Variants in COLGALT2 observed in about 807,000 individuals in gnomAD.
The protein encoded by COLGALT2 is procollagen galactosyltransferase 2.
COLGALT2 carries 49 observed loss-of-function variants against 73.4 expected under a neutral mutation model. That is an observed-to-expected ratio of 0.67 (90% CI 0.53 to 0.85). The LOEUF is 0.85. COLGALT2 is among the 40% of genes least tolerant of loss of function. COLGALT2 has a pLI of 0.00. For synonymous variants in COLGALT2, 295 were observed against 307.6 expected (o/e 0.96, Z 0.43); for missense variants, 722 against 790.2 (o/e 0.91, Z 1.03).
At position 184,032,260 on chromosome 1, in the gene COLGALT2, T is replaced by C. The variant is rs576869804; in HGVS notation, c.263+4835A>G. 7.0e-4 allele frequency among the ~76,000 whole-genome samples: 106 copies of C among 152,310 alleles called. 1 individual carries two copies. The highest frequency in any genetic ancestry group is 2.5e-3 in the African/African-American group (105 of 41,560). Reference sequence around the variant, plus strand: ...AAAGAAGAAACTAAACAAATTTCCATTTGAAGATTTTTTAAAATCTTGATT... The same window carrying C: ...AAAGAAGAAACTAAACAAATTTCCACTTGAAGATTTTTTAAAATCTTGATT... On this transcript the variant is annotated intron_variant, in intron 1 of 11. Coordinates refer to ENST00000361927, the MANE Select transcript of COLGALT2 (RefSeq NM_015101.4).
intron 8 of COLGALT2, among the ~76,000 whole-genome samples, chr1:183,950,130 T>G (rs187676658): frequency 1.3e-5 from 2 of 152,336 alleles, no homozygotes; most frequent in East Asian, 3.9e-4. Context: ...CAATCCTGTC[T>G]AAGAATCACC....
chr1:183,946,748 T>G (rs1195402379), intron 8 of COLGALT2: 2 of 152,220 alleles, frequency 1.3e-5, no homozygotes, highest in African/African-American at 4.8e-5. Context: ...AAGGTTAATC[T>G]GGGCCGGGAG....
rs539444920 is a variant in COLGALT2, at chr1:183,996,845, G to A, written c.264-18325C>T. ...TGAGGAAATGACCTATTATAAATGG[G>A]GTGAATATGCACCCAGAGGGCACTG... On this transcript the variant is annotated intron_variant, in intron 1 of 11. Transcript: ENST00000361927. Among the ~76,000 whole-genome samples the A allele has an allele frequency of 2.6e-4, 40 of 152,280 alleles. No homozygotes were observed. In the East Asian group the frequency reaches 7.7e-3, roughly 29 times the overall value.
intron 1 of COLGALT2, among the ~76,000 whole-genome samples, chr1:184,032,094 A>T (rs1278760505): frequency 6.6e-6 from 1 of 152,046 alleles, no homozygotes; most frequent in East Asian, 1.9e-4. Flanking sequence ...GAGTTTCACC[A>T]TGTTGCCCAG....
chr1:183,955,774 A>G (rs559756479), intron 6 of COLGALT2, among the ~76,000 whole-genome samples: 1 of 152,376 alleles, frequency 6.6e-6, no homozygotes, highest in East Asian at 1.9e-4. Context: ...TTAAAATGAT[A>G]GCTGGTAACT....
intron 1 of COLGALT2, among the ~76,000 whole-genome samples, chr1:183,982,404 C>T (rs190223731): frequency 6.6e-6 from 1 of 151,896 alleles, no homozygotes; most frequent in East Asian, 1.9e-4. Context: ...CTACCAACGT[C>T]CAGGGTACGC....
chr1:184,006,298 G>A (rs1672077816), intron 1 of COLGALT2, among the ~76,000 whole-genome samples: 2 of 152,100 alleles, frequency 1.3e-5, no homozygotes, highest in African/African-American at 2.4e-5. Context: ...AAAAATTAGA[G>A]TATGGGCCGG....
chr1:183,934,120 A>T (rs552751482), downstream of COLGALT2, among the ~76,000 whole-genome samples: 1 of 152,330 alleles, frequency 6.6e-6, no homozygotes, highest in African/African-American at 2.4e-5. Flanking sequence ...TAATGGAGCC[A>T]TTCCACCACT....
chr1:183,998,743 A>G (rs1367093574), intron 1 of COLGALT2, among the ~76,000 whole-genome samples: 1 of 151,938 alleles, frequency 6.6e-6, no homozygotes, highest in Non-Finnish European at 1.5e-5. Flanking sequence ...TAATGTTTTT[A>G]ATAAAGTTTC....
intron 1 of COLGALT2, among the ~76,000 whole-genome samples, chr1:183,992,876 G>A (rs1306395514): frequency 2.0e-5 from 3 of 152,148 alleles, no homozygotes; most frequent in Non-Finnish European, 4.4e-5. Flanking sequence ...GTACTTATCA[G>A]AGTTGTAATT....
chr1:184,023,551 T>C (rs1454517175), intron 1 of COLGALT2, among the ~76,000 whole-genome samples: 1 of 149,652 alleles, frequency 6.7e-6, no homozygotes, highest in Non-Finnish European at 1.5e-5. Flanking sequence ...AAAACACCAG[T>C]AACTTTTGCA....
At position 183,936,597 on chromosome 1, in the gene COLGALT2, C is replaced by T; in HGVS notation, c.*2164G>A. 1 of 1,169,478 alleles carries T rather than the reference C, an allele frequency of 8.6e-7. No individual in the cohort carries two copies. The highest frequency in any genetic ancestry group is 4.4e-5 in the South Asian group (1 of 22,876). 72.4% of individuals were successfully genotyped at this position (1,169,478 alleles called of 1,614,324 possible). ...ACTTCCTTCAACCCCAGCACCCCAG[C>T]CACCTCCCACCCCATTAAAAAAGTC... On this transcript the variant is annotated 3_prime_UTR_variant, in exon 12 of 12. Transcript: ENST00000361927.
rs527536878 is a variant in COLGALT2, at chr1:183,963,872, G to A, written c.952+29C>T. On this transcript the variant is annotated intron_variant, in intron 6 of 11. Coordinates refer to ENST00000361927, the MANE Select transcript of COLGALT2 (RefSeq NM_015101.4). ...TGGTCACTGTGGCAATGGAACGAGA[G>A]CCATCCCCTCTGCTCCTGGGTCACT... The A allele has an allele frequency of 1.9e-5, 30 of 1,554,172 alleles. No homozygotes were observed. In the East Asian group the frequency reaches 5.9e-4, roughly 30 times the overall value.
chr1:183,944,683 G>A (rs1292533214), intron 9 of COLGALT2, among the ~76,000 whole-genome samples: 3 of 152,124 alleles, frequency 2.0e-5, no homozygotes, highest in East Asian at 1.9e-4. Flanking sequence ...AAGGCAGTAC[G>A]GGGTGGGGGG....
intron 5 of COLGALT2, 163 bp from the exon 6 acceptor site, chr1:183,964,183 T>A (rs1670801241): frequency 1.7e-6 from 1 of 584,906 alleles, no homozygotes; most frequent in Non-Finnish European, 2.8e-6. Flanking sequence ...GCTCCTTTAT[T>A]AAAAAAGTAA....
rs924399053 is a variant in COLGALT2 at position 183,968,391 on chromosome 1, T to C, written c.832+878A>G. On this transcript the variant is annotated intron_variant, in intron 5 of 11. Coordinates refer to ENST00000361927, the MANE Select transcript of COLGALT2 (RefSeq NM_015101.4). Reference sequence around the variant, plus strand: ...AGAAATAACTTTCCTTCCTGTTGACTTGTCTTTCTCAAAAATCTCCAGGCC... The same window carrying C: ...AGAAATAACTTTCCTTCCTGTTGACCTGTCTTTCTCAAAAATCTCCAGGCC... Among the ~76,000 whole-genome samples the C allele has an allele frequency of 3.3e-5, 5 of 152,194 alleles. No individual in the cohort carries two copies. The South Asian group carries it at 6.2e-4, about 19-fold the overall frequency.
At chr1:183,984,421 C>T (rs775490731) in intron 1 of COLGALT2, among the ~76,000 whole-genome samples, 11 of 152,068 alleles carry the variant, frequency 7.2e-5, no homozygotes, top group Non-Finnish European at 1.2e-4. Flanking sequence ...AAAACAACAA[C>T]GACAAAAAGA....
intron 1 of COLGALT2, among the ~76,000 whole-genome samples, chr1:184,012,928 C>A (rs930481744): frequency 7.2e-5 from 11 of 152,202 alleles, no homozygotes; most frequent in African/African-American, 2.4e-4. Context: ...AGTGCTAGAA[C>A]CTGGAGATTC....
At chr1:183,975,634 G>A (rs1671169200) in intron 2 of COLGALT2, among the ~76,000 whole-genome samples, 1 of 152,214 alleles carries the variant, frequency 6.6e-6, no homozygotes, top group South Asian at 2.1e-4. Context: ...TGGAGAGTAT[G>A]CAGTGTAAAA....
Sources: gnomAD v4.1 joint callset for allele counts (sites outside exome capture counted in the v4.1 genomes callset) on GRCh38, gnomAD v4.1.1 for gene constraint, MANE v1.5 for transcripts, NCBI Gene and HGNC (gene_info 2026-07-23, HGNC 2026-07-21) for gene names.